Variants in TRAPPC9 observed in about 807,000 individuals in gnomAD.
TRAPPC9 encodes trafficking protein particle complex subunit 9, also known as IKK2 binding protein.
In TRAPPC9, 83 loss-of-function variants were observed where a neutral mutation model predicts 124.0. That is an observed-to-expected ratio of 0.67 (90% CI 0.56 to 0.80). The LOEUF is 0.80. Among genes scored for constraint, TRAPPC9 ranks in the 30% least tolerant of loss-of-function variants. The probability of loss-of-function intolerance (pLI) is 0.00; values close to 1 mark genes in which losing one functional copy is unlikely to be tolerated. For missense variants in TRAPPC9, 1,302 were observed against 1,508.3 expected (o/e 0.86, Z 2.27); for synonymous variants, 638 against 617.5 (o/e 1.03, Z -0.49).
chr8:140,033,678 T>G (rs375723944), intron 17 of TRAPPC9, among the ~76,000 whole-genome samples: 1,837 of 48,036 alleles, frequency 0.038, no homozygotes, highest in South Asian at 0.081. Context: ...TTTTTTTTTT[T>G]TTTTTTTTTT....
At chr8:140,020,868 A>T (rs749444987) in intron 18 of TRAPPC9, among the ~76,000 whole-genome samples, 20 of 152,030 alleles carry the variant, frequency 1.3e-4, no homozygotes, top group Non-Finnish European at 2.9e-4. Context: ...TGATGACTTG[A>T]TTTTGCTGTC....
At chr8:140,077,833 G>A (rs1843598327) in intron 17 of TRAPPC9, among the ~76,000 whole-genome samples, 1 of 152,172 alleles carries the variant, frequency 6.6e-6, no homozygotes, top group South Asian at 2.1e-4. Context: ...AGGACCGCAG[G>A]GCCAGAACAA....
intron 17 of TRAPPC9, among the ~76,000 whole-genome samples, chr8:140,088,698 T>C (rs1844364918): frequency 6.6e-6 from 1 of 152,244 alleles, no homozygotes; most frequent in African/African-American, 2.4e-5. Context: ...TTTTTCACAA[T>C]CTTTTTTCTT....
At chr8:139,890,406 G>A (rs901416424) in intron 20 of TRAPPC9, among the ~76,000 whole-genome samples, 1 of 152,204 alleles carries the variant, frequency 6.6e-6, no homozygotes, top group African/African-American at 2.4e-5. Flanking sequence ...AAACAGCCAG[G>A]CCCAAGGACA....
chr8:140,188,186 T>C (rs528335136), intron 17 of TRAPPC9, among the ~76,000 whole-genome samples: 1 of 152,060 alleles, frequency 6.6e-6, no homozygotes, highest in South Asian at 2.1e-4. Flanking sequence ...GTGGGGGAGA[T>C]TTCCCCAGCA....
intron 21 of TRAPPC9, among the ~76,000 whole-genome samples, chr8:139,822,927 G>A (rs966753091): frequency 6.6e-6 from 1 of 152,306 alleles, no homozygotes; most frequent in African/African-American, 2.4e-5. Context: ...CAGGAGGGTG[G>A]ATGTCTGCTG....
At chr8:140,409,451 G>C (rs987750600) in intron 5 of TRAPPC9, among the ~76,000 whole-genome samples, 1 of 152,106 alleles carries the variant, frequency 6.6e-6, no homozygotes, top group Non-Finnish European at 1.5e-5. Flanking sequence ...TCCACTTCTA[G>C]GAATTTACAC....
intron 15 of TRAPPC9, among the ~76,000 whole-genome samples, chr8:140,265,917 T>C (rs753101341): frequency 6.6e-6 from 1 of 152,172 alleles, no homozygotes; most frequent in Non-Finnish European, 1.5e-5. Context: ...ATTATAACAA[T>C]ACGGAGCCAT....
In TRAPPC9 at chr8:139,961,339, C is replaced by A; in HGVS notation, c.2810+27387G>T. 1.6e-5 allele frequency among the ~76,000 whole-genome samples: 2 copies of A among 124,210 alleles called. 1 individual carries two copies. Among genetic ancestry groups the A allele is most frequent in the Non-Finnish European group, 3.9e-5 (2 of 51,944 alleles). The allele number at this position is 124,210 out of a possible 152,430, so 81.5% of individuals were successfully genotyped here. On this transcript the variant is annotated intron_variant, in intron 19 of 22. Transcript: ENST00000438773. ...AGGGAGGCATGGCTGGGGCTGTATACTCCATGGAGCCAGTGAGAGCCCCAC... is the reference window on the plus strand; with the variant it reads ...AGGGAGGCATGGCTGGGGCTGTATAATCCATGGAGCCAGTGAGAGCCCCAC...
intron 19 of TRAPPC9, among the ~76,000 whole-genome samples, chr8:139,937,426 G>T (rs1833602081): frequency 6.6e-6 from 1 of 152,100 alleles, no homozygotes. Context: ...ATTTTTGTGG[G>T]TTGGGCTGAC....
chr8:140,036,205 T>C (rs1204036390), intron 17 of TRAPPC9, among the ~76,000 whole-genome samples: 1 of 146,638 alleles, frequency 6.8e-6, no homozygotes, highest in Non-Finnish European at 1.5e-5. Context: ...GCTAAAGGCA[T>C]GACCTGAACG....
intron 20 of TRAPPC9, among the ~76,000 whole-genome samples, chr8:139,892,160 T>G (rs1830394219): frequency 6.6e-6 from 1 of 152,222 alleles, no homozygotes; most frequent in Non-Finnish European, 1.5e-5. Context: ...GCTAAGAAGC[T>G]TCAGGGCCCC....
chr8:139,860,691 G>T (rs1321697781), intron 21 of TRAPPC9, among the ~76,000 whole-genome samples: 1 of 152,190 alleles, frequency 6.6e-6, no homozygotes, highest in African/African-American at 2.4e-5. Flanking sequence ...TGGGTCCATG[G>T]TCTATGGTCA....
At chr8:139,937,876 C>T (rs898028806) in intron 19 of TRAPPC9, among the ~76,000 whole-genome samples, 4 of 152,188 alleles carry the variant, frequency 2.6e-5, no homozygotes, top group Non-Finnish European at 4.4e-5. Context: ...GCTCCACACA[C>T]GCTCTGGTGC....
intron 15 of TRAPPC9, among the ~76,000 whole-genome samples, chr8:140,253,165 C>A (rs369140333): frequency 2.0e-5 from 3 of 152,098 alleles, no homozygotes; most frequent in Non-Finnish European, 4.4e-5. Flanking sequence ...CTAGAGGCAC[C>A]GAGCTCAAGC....
intron 17 of TRAPPC9, among the ~76,000 whole-genome samples, chr8:140,139,877 G>C (rs1587792357): frequency 6.6e-6 from 1 of 152,110 alleles, no homozygotes; most frequent in East Asian, 1.9e-4. Context: ...TGCCAGGGTA[G>C]TCAGTATTTC....
At chr8:140,207,568 G>A (rs573934855) in intron 17 of TRAPPC9, among the ~76,000 whole-genome samples, 3 of 152,278 alleles carry the variant, frequency 2.0e-5, no homozygotes, top group Middle Eastern at 3.4e-3. Context: ...CATGCTGAAC[G>A]CACTGGTGGC....
intron 16 of TRAPPC9, among the ~76,000 whole-genome samples, chr8:140,226,339 C>G (rs2063450877): frequency 6.6e-6 from 1 of 152,154 alleles, no homozygotes; most frequent in Non-Finnish European, 1.5e-5. Flanking sequence ...CACCTGTAAT[C>G]TCAGTACTTT....
intron 21 of TRAPPC9, among the ~76,000 whole-genome samples, chr8:139,869,293 T>C (rs944996120): frequency 2.6e-5 from 4 of 152,114 alleles, no homozygotes; most frequent in Admixed American, 1.3e-4. Flanking sequence ...GTGGTAGTTA[T>C]AATATCAAAG....
Sources: allele counts gnomAD v4.1 joint callset (sites outside exome capture counted in the v4.1 genomes callset), GRCh38; gene constraint gnomAD v4.1.1; transcripts MANE v1.5; gene names NCBI Gene and HGNC (gene_info 2026-07-23, HGNC 2026-07-21).